Variants in PTK2B observed in about 807,000 individuals in gnomAD.
PTK2B encodes the protein protein-tyrosine kinase 2-beta.
PTK2B carries 71 observed loss-of-function variants against 142.9 expected under a neutral mutation model. That is an observed-to-expected ratio of 0.50 (90% CI 0.41 to 0.61). PTK2B has a LOEUF of 0.61. PTK2B is among the 20% of genes least tolerant of loss of function. The pLI, the probability that PTK2B is intolerant of heterozygous loss-of-function variation, is 0.00. For synonymous variants in PTK2B, 519 were observed against 503.4 expected (o/e 1.03, Z -0.42); for missense variants, 1,105 against 1,320.4 (o/e 0.84, Z 2.53).
intron 1 of PTK2B, among the ~76,000 whole-genome samples, chr8:27,376,906 A>T (rs1806705911): frequency 6.6e-6 from 1 of 152,208 alleles, no homozygotes; most frequent in Non-Finnish European, 1.5e-5. Context: ...TACTTTCTTA[A>T]TAAACTTGCT....
intron 1 of PTK2B, among the ~76,000 whole-genome samples, chr8:27,374,152 T>C (rs773506515): frequency 1.3e-5 from 2 of 152,204 alleles, no homozygotes; most frequent in Non-Finnish European, 2.9e-5. Context: ...GGGCTGCACA[T>C]TGGGGCTTCT....
chr8:27,404,120 C>A (rs1456481431), intron 2 of PTK2B, among the ~76,000 whole-genome samples: 1 of 152,126 alleles, frequency 6.6e-6, no homozygotes, highest in African/African-American at 2.4e-5. Context: ...ATATGGGTGA[C>A]AATGACACAA....
chr8:27,449,767 C>T (rs1163570207), intron 24 of PTK2B, among the ~76,000 whole-genome samples: 4 of 152,170 alleles, frequency 2.6e-5, no homozygotes, highest in African/African-American at 9.7e-5. Flanking sequence ...TGGGGGAAGA[C>T]TGAATGAAAA....
intron 1 of PTK2B, among the ~76,000 whole-genome samples, chr8:27,361,105 T>C (rs989111955): frequency 4.6e-5 from 7 of 152,236 alleles, no homozygotes; most frequent in Admixed American, 3.9e-4. Context: ...TAATTTCCTA[T>C]CCCTCACCCC....
chr8:27,372,483 A>T (rs2130947928), intron 1 of PTK2B, among the ~76,000 whole-genome samples: 1 of 152,276 alleles, frequency 6.6e-6, no homozygotes, highest in Non-Finnish European at 1.5e-5. Flanking sequence ...CTTTTGTTCT[A>T]TTTAGGCCTT....
intron 1 of PTK2B, among the ~76,000 whole-genome samples, chr8:27,370,867 A>G (rs1462350297): frequency 6.6e-6 from 1 of 152,072 alleles, no homozygotes; most frequent in Non-Finnish European, 1.5e-5. Context: ...ATTTTTAAAG[A>G]GAAAACTGTG....
chr8:27,354,075 C>T (rs1447652386), intron 1 of PTK2B, among the ~76,000 whole-genome samples: 1 of 152,170 alleles, frequency 6.6e-6, no homozygotes, highest in Non-Finnish European at 1.5e-5. Flanking sequence ...CTGTCTCTCA[C>T]ATCTCTGGCT....
intron 2 of PTK2B, among the ~76,000 whole-genome samples, chr8:27,404,455 T>C (rs1477616925): frequency 1.3e-5 from 2 of 152,122 alleles, no homozygotes; most frequent in African/African-American, 2.4e-5. Flanking sequence ...GAATTCACAT[T>C]CACATCCTCA....
Position 27,434,140 on chromosome 8 carries a change from CA to C in PTK2B, c.1145+10del. On this transcript the variant is annotated intron_variant, in intron 12 of 30. Coordinates refer to ENST00000346049, the MANE Select transcript of PTK2B (RefSeq NM_173176.3). ...GCCCCAGATCCCCATGCTGTGAGTA[CA>C]ATGGGGTGCAGAGGACAGGGCCCTG... is the stretch of plus-strand genomic sequence containing the variant. 1 of 1,613,400 alleles carries C rather than the reference CA, an allele frequency of 6.2e-7. No individual in the cohort carries two copies.
At position 27,397,775 on chromosome 8, in the gene PTK2B, A is replaced by T. The variant is rs1388985882; in HGVS notation, c.191A>T (p.Gln64Leu). ...KNFKLVKCTV[Q>L]TEIREIITSI... is the part of the protein sequence containing the mutation. Reference sequence around the variant, plus strand: ...TTCAAACTGGTCAAATGCACTGTCCAGACGGAGATCCGGGTAAGTGTGAAG... The same window carrying T: ...TTCAAACTGGTCAAATGCACTGTCCTGACGGAGATCCGGGTAAGTGTGAAG... The change falls in exon 2 of 31, where the codon CAG (glutamine) becomes CTG (leucine). Residue 64 changes from glutamine to leucine, a missense_variant. Coordinates refer to ENST00000346049, the MANE Select transcript of PTK2B (RefSeq NM_173176.3). The T allele has an allele frequency of 1.5e-5, 25 of 1,614,078 alleles. No homozygotes were observed. The highest frequency in any genetic ancestry group is 2.0e-5 in the Non-Finnish European group (24 of 1,179,990).
At position 27,442,994 on chromosome 8, in the gene PTK2B, C is replaced by T. The variant is rs975532404; in HGVS notation, c.2148+11C>T. On this transcript the variant is annotated intron_variant, in intron 22 of 30. Coordinates refer to ENST00000346049, the MANE Select transcript of PTK2B (RefSeq NM_173176.3). Reference sequence around the variant, plus strand: ...GAACCCCCACCCAAGGTAAGCCAAGCCATGGCCTCATAAGTCCTGTGAGTC... The same window carrying T: ...GAACCCCCACCCAAGGTAAGCCAAGTCATGGCCTCATAAGTCCTGTGAGTC... 1.9e-6 allele frequency: 3 copies of T among 1,601,908 alleles called. No individual in the cohort carries two copies. The highest frequency in any genetic ancestry group is 1.7e-6 in the Non-Finnish European group (2 of 1,169,050).
chr8:27,429,464 A>G (rs1021849345), intron 5 of PTK2B, among the ~76,000 whole-genome samples: 41 of 152,208 alleles, frequency 2.7e-4, no homozygotes, highest in African/African-American at 9.2e-4. Context: ...AACATTAGCT[A>G]TTTGGTCTCA....
At chr8:27,310,829 G>A (rs755591376), upstream of PTK2B, 2 of 1,606,400 alleles carry the variant, frequency 1.2e-6, no homozygotes, top group South Asian at 2.2e-5. Context: ...GTCCTTCACC[G>A]GCTGCACGCG....
chr8:27,334,544 C>T (rs1209880280), intron 1 of PTK2B, among the ~76,000 whole-genome samples: 1 of 152,218 alleles, frequency 6.6e-6, no homozygotes, highest in African/African-American at 2.4e-5. Flanking sequence ...CCTGGGATCT[C>T]CCAGAATCTA....
intron 1 of PTK2B, among the ~76,000 whole-genome samples, chr8:27,386,209 C>T (rs1807344148): frequency 6.6e-6 from 1 of 152,160 alleles, no homozygotes; most frequent in African/African-American, 2.4e-5. Flanking sequence ...CGACTTCCCC[C>T]TGAGCATTTT....
intron 2 of PTK2B, among the ~76,000 whole-genome samples, chr8:27,408,025 A>G (rs1808829275): frequency 1.3e-5 from 2 of 152,198 alleles, no homozygotes. Flanking sequence ...TCTTTGAGGG[A>G]GAGAACTGTT....
chr8:27,351,020 TATATATATATATATATATATACG>T (rs1805053644), intron 1 of PTK2B, among the ~76,000 whole-genome samples: 1 of 63,118 alleles, frequency 1.6e-5, no homozygotes, highest in East Asian at 4.5e-4. Context: ...TATATATATA[TATATATATATATATATATATACG>T]TGCTTGGAGC....
intron 1 of PTK2B, among the ~76,000 whole-genome samples, chr8:27,384,997 G>A (rs926759473): frequency 2.0e-5 from 3 of 152,156 alleles, no homozygotes; most frequent in African/African-American, 7.2e-5. Flanking sequence ...CTTCATCACT[G>A]CAGGGCATAG....
intron 2 of PTK2B, among the ~76,000 whole-genome samples, chr8:27,415,384 G>A (rs957499176): frequency 6.6e-6 from 1 of 152,162 alleles, no homozygotes; most frequent in Non-Finnish European, 1.5e-5. Context: ...TCTCCCATTT[G>A]CAGAGAACAC....
Sources: gnomAD v4.1 joint callset for allele counts (sites outside exome capture counted in the v4.1 genomes callset) on GRCh38, gnomAD v4.1.1 for gene constraint, MANE v1.5 for transcripts, NCBI Gene and HGNC (gene_info 2026-07-23, HGNC 2026-07-21) for gene names.